The following FAM133B variants were observed in gnomAD, a reference collection of about 807,000 sequenced individuals.
FAM133B encodes protein FAM133B.
FAM133B carries 25 observed loss-of-function variants against 46.4 expected under a neutral mutation model. That is an observed-to-expected ratio of 0.54 (90% CI 0.39 to 0.75). The LOEUF (loss-of-function observed/expected upper bound fraction) is 0.75, where lower values mean the gene tolerates loss of function less well. Among genes scored for constraint, FAM133B ranks in the 30% least tolerant of loss-of-function variants. The pLI, the probability that FAM133B is intolerant of heterozygous loss-of-function variation, is 0.00. For missense variants in FAM133B, 205 were observed against 277.6 expected, an observed-to-expected ratio of 0.74 and a Z score of 1.86; for synonymous variants, 75 against 86.0, an observed-to-expected ratio of 0.87 and a Z score of 0.71.
intron 10 of FAM133B, among the ~76,000 whole-genome samples, chr7:92,565,301 C>T (rs909822266): frequency 4.0e-5 from 6 of 151,282 alleles, no homozygotes; most frequent in African/African-American, 7.3e-5. Flanking sequence ...AGGCGCCCGC[C>T]ACCACGCCCG....
chr7:92,578,528 A>C (rs1585309766), intron 3 of FAM133B, 135 bp from the exon 4 acceptor site: 1 of 777,436 alleles, frequency 1.3e-6, no homozygotes, highest in Non-Finnish European at 2.1e-6. Flanking sequence ...TTACAGTCAA[A>C]AGAAACACAG....
At chr7:92,574,751 A>G (rs1353943329) in intron 8 of FAM133B, among the ~76,000 whole-genome samples, 1 of 151,512 alleles carries the variant, frequency 6.6e-6, no homozygotes, top group East Asian at 1.9e-4. Context: ...TAAAAATACA[A>G]AAAATTAGCC....
At chr7:92,587,355 T>C (rs1371666854) in intron 1 of FAM133B, among the ~76,000 whole-genome samples, 1 of 152,146 alleles carries the variant, frequency 6.6e-6, no homozygotes, top group Non-Finnish European at 1.5e-5. Context: ...ATGGAGTCAG[T>C]AAAAAGATCA....
chr7:92,564,424 A>G (rs949278609), intron 10 of FAM133B, among the ~76,000 whole-genome samples: 1 of 152,360 alleles, frequency 6.6e-6, no homozygotes, highest in South Asian at 2.1e-4. Flanking sequence ...TGAAAGCATG[A>G]AACAGTGAAA....
At chr7:92,582,513 T>C (rs1794917345) in intron 1 of FAM133B, among the ~76,000 whole-genome samples, 1 of 152,152 alleles carries the variant, frequency 6.6e-6, no homozygotes. Context: ...ATGTAAAATG[T>C]TTGTGCATCA....
intron 1 of FAM133B, among the ~76,000 whole-genome samples, chr7:92,585,617 G>A (rs982541918): frequency 6.6e-5 from 10 of 152,214 alleles, no homozygotes; most frequent in Non-Finnish European, 1.3e-4. Flanking sequence ...CATAGTTCCT[G>A]ATAAGAAAAT....
intron 7 of FAM133B, 171 bp from the exon 8 acceptor site, chr7:92,575,992 T>C: frequency 2.8e-6 from 1 of 359,208 alleles, no homozygotes; most frequent in Non-Finnish European, 5.2e-6. Context: ...TACATTTGCT[T>C]GTAAGCAAAC....
At chr7:92,590,109 G>C (rs1428352680) in intron 1 of FAM133B, 159 bp downstream of exon 1, 19 of 1,043,980 alleles carry the variant, frequency 1.8e-5, no homozygotes, top group Middle Eastern at 2.1e-4. Context: ...TGCGTGCGCG[G>C]CGCACGCGCA....
intron 10 of FAM133B, 75 bp downstream of exon 10, chr7:92,565,939 G>T: frequency 1.3e-6 from 2 of 1,490,932 alleles, no homozygotes; most frequent in South Asian, 1.1e-5. Context: ...ATCCAATCAA[G>T]CTTTACCATG....
At chr7:92,568,044 T>A (rs1009551041) in intron 9 of FAM133B, among the ~76,000 whole-genome samples, 8 of 152,114 alleles carry the variant, frequency 5.3e-5, no homozygotes, top group African/African-American at 1.4e-4. Context: ...GATACAGGCG[T>A]GAACCACCAC....
At chr7:92,569,687 A>G (rs940368368) in intron 9 of FAM133B, 136 bp downstream of exon 9, 2 of 433,302 alleles carry the variant, frequency 4.6e-6, no homozygotes, top group African/African-American at 4.1e-5. Flanking sequence ...CTGAAATGAA[A>G]TAACTTTCAT....
chr7:92,564,048 C>T (rs575458760), intron 10 of FAM133B, among the ~76,000 whole-genome samples: 2 of 152,324 alleles, frequency 1.3e-5, no homozygotes, highest in African/African-American at 4.8e-5. Flanking sequence ...TGAAAACACA[C>T]TCTGCTGTGT....
At chr7:92,568,534 T>TA (rs1794435192) in intron 9 of FAM133B, among the ~76,000 whole-genome samples, 3 of 149,140 alleles carry the variant, frequency 2.0e-5, no homozygotes, top group African/African-American at 7.4e-5. Context: ...ATTTTTTTTT[T>TA]TTTTTTTTTT....
At chr7:92,588,167 G>A (rs1795089353) in intron 1 of FAM133B, among the ~76,000 whole-genome samples, 1 of 152,142 alleles carries the variant, frequency 6.6e-6, no homozygotes. Context: ...CACACAAAAT[G>A]TTACCAGAAT....
At position 92,577,681 on chromosome 7, in the gene FAM133B, T is replaced by G; in HGVS notation, c.346A>C (p.Ser116Arg). The change falls in exon 6 of 11, where the codon AGC becomes CGC. Residue 116 changes from serine to arginine, a missense_variant. By Grantham distance (110) the Ser-to-Arg change is moderately radical. Coordinates refer to ENST00000445716, the MANE Select transcript of FAM133B (RefSeq NM_152789.4). ...SSSSSSSDSS[S>R]SSSDSEDEDK... is the part of the protein sequence containing the mutation. ...TCATCTTCAGAATCAGAAGAACTGCTGGAAGAATCAGAGCTTGATGAAGAA... is the reference window on the plus strand; with the variant it reads ...TCATCTTCAGAATCAGAAGAACTGCGGGAAGAATCAGAGCTTGATGAAGAA... 6.3e-7 allele frequency: 1 copy of G among 1,585,976 alleles called. No homozygotes were observed.
intron 10 of FAM133B, 149 bp downstream of exon 10, chr7:92,565,865 C>T: frequency 2.8e-6 from 2 of 716,968 alleles, no homozygotes; most frequent in Non-Finnish European, 4.7e-6. Flanking sequence ...TTTCTCCTAC[C>T]CATTAAGTGA....
intron 1 of FAM133B, among the ~76,000 whole-genome samples, chr7:92,588,882 T>TAAC (rs999886456): frequency 2.0e-5 from 3 of 152,176 alleles, no homozygotes; most frequent in Admixed American, 6.5e-5. Context: ...CCACCATGAG[T>TAAC]AACAGCTCCC....
In FAM133B at chr7:92,590,381, T is replaced by C. The variant is rs1795170169; in HGVS notation, c.-90A>G. On this transcript the variant is annotated 5_prime_UTR_variant, in exon 1 of 11. Transcript: ENST00000445716. Reference sequence around the variant, plus strand: ...GCCTGCCGCAGGTCCTCTTGCCGCCTCCCCACTCCGCCTAGAGAGCGGCAC... The same window carrying C: ...GCCTGCCGCAGGTCCTCTTGCCGCCCCCCCACTCCGCCTAGAGAGCGGCAC... The C allele has an allele frequency of 6.3e-7, 1 of 1,588,788 alleles. No individual in the cohort carries two copies. The highest frequency in any genetic ancestry group is 8.6e-7 in the Non-Finnish European group (1 of 1,163,552).
rs1287644481 is a variant in FAM133B at position 92,585,828 on chromosome 7, C to G, written c.25-4225G>C. Among the ~76,000 whole-genome samples, 3 of 152,002 alleles carry G rather than the reference C, an allele frequency of 2.0e-5. No individual in the cohort carries two copies. The East Asian group carries it at 5.8e-4, about 29-fold the overall frequency. ...CTTTATAAAACAAAAAATGTAACTG[C>G]GTAAACATTATTATAGTAATAAAGG... is the stretch of plus-strand genomic sequence containing the variant. On this transcript the variant is annotated intron_variant, in intron 1 of 10. Transcript: ENST00000445716.
Sources: allele counts gnomAD v4.1 joint callset (sites outside exome capture counted in the v4.1 genomes callset), GRCh38; gene constraint gnomAD v4.1.1; transcripts MANE v1.5; gene names NCBI Gene and HGNC (gene_info 2026-07-23, HGNC 2026-07-21).